LTA4H: variants seen among roughly 807,000 people sequenced by gnomAD.
The protein encoded by LTA4H is leukotriene A4 hydrolase.
A neutral mutation model predicts 89.8 loss-of-function variants in LTA4H; 59 were observed. The ratio of observed to expected loss-of-function variants is 0.66; its 90% CI spans 0.53 to 0.82. LTA4H has a LOEUF of 0.82. Ranked by LOEUF, LTA4H falls within the 40% of genes least tolerant of loss-of-function variation. LTA4H has a pLI of 0.00. For missense variants in LTA4H, 617 were observed against 727.0 expected (o/e 0.85, Z 1.74); for synonymous variants, 227 against 253.1 (o/e 0.90, Z 0.98).
chr12:96,030,507 T>C (rs1441363211), intron 1 of LTA4H, among the ~76,000 whole-genome samples: 1 of 152,180 alleles, frequency 6.6e-6, no homozygotes, highest in Non-Finnish European at 1.5e-5. Context: ...CTGAATCAGA[T>C]TTCTCCCCAG....
In LTA4H at chr12:96,022,605, T is replaced by C. The variant is rs2660838; in HGVS notation, c.481-354A>G. On this transcript the variant is annotated intron_variant, in intron 4 of 18. Coordinates refer to ENST00000228740, the MANE Select transcript of LTA4H (RefSeq NM_000895.3). This position sits in a 1 kb window ranked among gnomAD's most constrained non-coding sequence, Gnocchi z 4.0. ...ATTTCTATCCATTCACCCATGCACATTAAGAGCAGAGTTTTGGTAGAAACT... is the reference window on the plus strand; with the variant it reads ...ATTTCTATCCATTCACCCATGCACACTAAGAGCAGAGTTTTGGTAGAAACT... Among the ~76,000 whole-genome samples, 25,739 of 152,174 alleles carry C rather than the reference T, an allele frequency of 0.17. 2,884 individuals are homozygous for C. Among genetic ancestry groups the C allele is most frequent in the Non-Finnish European group, 0.26 (17,719 of 67,976 alleles).
intron 10 of LTA4H, among the ~76,000 whole-genome samples, chr12:96,016,524 T>C (rs752078622): frequency 7.3e-5 from 11 of 150,386 alleles, no homozygotes; most frequent in Non-Finnish European, 1.5e-4. Flanking sequence ...GGAGGGAGGA[T>C]TGCAACCCTG....
chr12:96,018,803 A>G lies in LTA4H; in HGVS notation c.812T>C (p.Met271Thr). 6.3e-7 allele frequency: 1 copy of G among 1,599,048 alleles called. No individual in the cohort carries two copies. The highest frequency in any genetic ancestry group is 8.5e-7 in the Non-Finnish European group (1 of 1,174,218). Residue 271 changes from methionine (M) to threonine (T), a missense_variant, in exon 8 of 19, where the codon ATG becomes ACG. Physicochemically the swap from Met to Thr is moderately conservative, Grantham distance 81. Around this residue, in one of 3 missense-constraint regions of LTA4H, gnomAD observed 172 missense variants for 244.5 expected, o/e 0.70. Coordinates refer to ENST00000228740, the MANE Select transcript of LTA4H (RefSeq NM_000895.3). ...TACAAAAGTAAGGCAAGGATTCTCCATGCCACCATAAGGGAAGGATGGTGG... is the reference window on the plus strand; with the variant it reads ...TACAAAAGTAAGGCAAGGATTCTCCGTGCCACCATAAGGGAAGGATGGTGG... Reference protein sequence around the residue: ...VLPPSFPYGGMENPCLTFVTP... With the variant: ...VLPPSFPYGGTENPCLTFVTP...
At chr12:96,015,532 T>C in intron 11 of LTA4H, 51 bp downstream of exon 11, 1 of 1,322,288 alleles carries the variant, frequency 7.6e-7, no homozygotes, top group Non-Finnish European at 1.1e-6. Flanking sequence ...ACTCAGTTTT[T>C]AACACCTATA....
intron 1 of LTA4H, among the ~76,000 whole-genome samples, chr12:96,042,599 AAAG>A (rs1950696373): frequency 1.3e-5 from 2 of 152,228 alleles, no homozygotes; most frequent in South Asian, 4.1e-4. Flanking sequence ...TTATAGACGG[AAAG>A]AAGTTAATCA....
At position 96,009,165 on chromosome 12, in the gene LTA4H, T is replaced by C; in HGVS notation, c.1380-17A>G. On this transcript the variant is annotated splice_polypyrimidine_tract_variant and intron_variant, in intron 14 of 18. Coordinates refer to ENST00000228740, the MANE Select transcript of LTA4H (RefSeq NM_000895.3). ...ATATCATAACTGCAAAGATAAAGAT[T>C]ACATTGTTTAAAAATGCACGTGCTT... 1 of 1,577,146 alleles carries C rather than the reference T, an allele frequency of 6.3e-7. No individual in the cohort carries two copies. The highest frequency in any genetic ancestry group is 8.7e-7 in the Non-Finnish European group (1 of 1,148,476).
In LTA4H at chr12:96,018,802, C is replaced by T. The variant is rs757476667; in HGVS notation, c.813G>A (p.Met271Ile). 1.2e-6 allele frequency: 2 copies of T among 1,600,970 alleles called. No individual in the cohort carries two copies. Among genetic ancestry groups the T allele is most frequent in the South Asian group, 2.3e-5 (2 of 88,224 alleles). ...TTACAAAAGTAAGGCAAGGATTCTC[C>T]ATGCCACCATAAGGGAAGGATGGTG... is the stretch of plus-strand genomic sequence containing the variant. The part of the protein sequence containing the change: ...VLPPSFPYGG[M>I]ENPCLTFVTP... The change falls in exon 8 of 19, where the codon ATG becomes ATA. Residue 271 changes from methionine (M) to isoleucine (I), a missense_variant. Around this residue, in one of 3 missense-constraint regions of LTA4H, gnomAD observed 172 missense variants for 244.5 expected, o/e 0.70. Coordinates refer to ENST00000228740, the MANE Select transcript of LTA4H (RefSeq NM_000895.3).
At chr12:96,006,023 C>T (rs1344274143) in intron 16 of LTA4H, among the ~76,000 whole-genome samples, 4 of 152,114 alleles carry the variant, frequency 2.6e-5, no homozygotes, top group African/African-American at 4.8e-5. Flanking sequence ...GCTGGGATTA[C>T]AGATGTGAGC....
upstream of LTA4H, among the ~76,000 whole-genome samples, chr12:96,036,269 T>A (rs752696651): frequency 6.6e-6 from 1 of 152,178 alleles, no homozygotes; most frequent in Non-Finnish European, 1.5e-5. Context: ...CTGGTCGCAA[T>A]GGGAGTACAG....
chr12:96,034,130 C>G (rs139191171), intron 1 of LTA4H, among the ~76,000 whole-genome samples: 16 of 152,214 alleles, frequency 1.1e-4, no homozygotes, highest in African/African-American at 3.1e-4. Flanking sequence ...GAAAAAGAGG[C>G]CTGAAAGCCA....
At position 96,018,776 on chromosome 12, in the gene LTA4H, G is replaced by C. The variant is rs764512504; in HGVS notation, c.839C>G (p.Thr280Ser). The change falls in exon 8 of 19, where the codon ACT becomes AGT. Residue 280 changes from threonine (T) to serine (S), a missense_variant. By Grantham distance (58) the Thr-to-Ser change is moderately conservative (BLOSUM62 1). Around this residue, in one of 3 missense-constraint regions of LTA4H, gnomAD observed 172 missense variants for 244.5 expected, o/e 0.70. Coordinates refer to ENST00000228740, the MANE Select transcript of LTA4H (RefSeq NM_000895.3). ...GMENPCLTFV[T>S]PTLLAGDKSL... ...ATTTACACTTACCAGTAGAGTAGGA[G>C]TTACAAAAGTAAGGCAAGGATTCTC... The C allele has an allele frequency of 6.3e-7, 1 of 1,577,858 alleles. No homozygotes were observed. The highest frequency in any genetic ancestry group is 2.0e-5 in the Admixed American group (1 of 49,228).
chr12:96,023,032 T>TA (rs1329644103), intron 4 of LTA4H, among the ~76,000 whole-genome samples: 1 of 152,212 alleles, frequency 6.6e-6, no homozygotes, highest in Non-Finnish European at 1.5e-5. Context: ...CGGCAAACCA[T>TA]ATAGTCATTT....
intron 3 of LTA4H, among the ~76,000 whole-genome samples, chr12:96,025,010 T>TA: frequency 6.6e-6 from 1 of 152,318 alleles, no homozygotes; most frequent in Non-Finnish European, 1.5e-5. Context: ...CTTGGACTTT[T>TA]AAAAATCAGA....
At chr12:96,016,170 T>C (rs1336490703) in intron 10 of LTA4H, among the ~76,000 whole-genome samples, 3 of 151,170 alleles carry the variant, frequency 2.0e-5, no homozygotes, top group Non-Finnish European at 3.0e-5. Context: ...AAAAATGAGC[T>C]GAGCATGGTG....
chr12:96,035,958 A>C (rs1199082012), upstream of LTA4H, among the ~76,000 whole-genome samples: 1 of 152,172 alleles, frequency 6.6e-6, no homozygotes, highest in East Asian at 1.9e-4. Context: ...GTTTGCATAT[A>C]GCGAGGGCGG....
intron 1 of LTA4H, among the ~76,000 whole-genome samples, chr12:96,030,181 G>A (rs994729190): frequency 2.6e-5 from 4 of 152,078 alleles, no homozygotes; most frequent in African/African-American, 4.8e-5. Context: ...TTGCCTGTAC[G>A]CATACATCAT....
intron 1 of LTA4H, among the ~76,000 whole-genome samples, chr12:96,040,803 A>G (rs1950681551): frequency 6.6e-6 from 1 of 152,246 alleles, no homozygotes; most frequent in African/African-American, 2.4e-5. Context: ...TGTCCTTCAC[A>G]GGGAACTCAA....
At chr12:96,035,340 T>C (rs1426533382) in intron 1 of LTA4H, 21 bp downstream of exon 1, 2 of 1,580,306 alleles carry the variant, frequency 1.3e-6, no homozygotes, top group Admixed American at 3.5e-5. Flanking sequence ...AGGCGGGCAC[T>C]GGGCAGGCGC....
intron 14 of LTA4H, chr12:96,011,264 TAG>T (rs1398894106): frequency 6.6e-6 from 1 of 152,252 alleles, no homozygotes; most frequent in Non-Finnish European, 1.5e-5. Flanking sequence ...CCCCTGAAGT[TAG>T]AGTCTTTGAA....
Sources: gnomAD v4.1 joint callset for allele counts (sites outside exome capture counted in the v4.1 genomes callset) on GRCh38, gnomAD v4.1.1 for gene constraint, gnomAD v4.1.1 regional missense constraint, Gnocchi (gnomAD v3.1) non-coding constraint, MANE v1.5 for transcripts, NCBI Gene and HGNC (gene_info 2026-07-23, HGNC 2026-07-21) for gene names.